The following PDE4D variants were observed in gnomAD, a reference collection of about 807,000 sequenced individuals.
The protein encoded by PDE4D is phosphodiesterase 4D.
PDE4D carries 24 observed loss-of-function variants against 87.4 expected under a neutral mutation model. The observed-to-expected ratio is 0.27, with a 90% confidence interval of 0.20 to 0.39. The LOEUF (loss-of-function observed/expected upper bound fraction) is 0.39. Among genes scored for constraint, PDE4D ranks in the 10% least tolerant of loss-of-function variants. PDE4D has a pLI of 1.00. For synonymous variants in PDE4D, 384 were observed against 383.2 expected (o/e 1.00, Z -0.02); for missense variants, 714 against 1,041.0 (o/e 0.69, Z 4.32).
At chr5:59,921,728 T>A (rs1394617450) in intron 3 of PDE4D, among the ~76,000 whole-genome samples, 2 of 152,210 alleles carry the variant, frequency 1.3e-5, no homozygotes, top group Admixed American at 6.5e-5. Context: ...GTCTGGTTTA[T>A]CAATTTTGTG....
At chr5:59,421,624 TG>T (rs1794492649) in intron 1 of PDE4D, among the ~76,000 whole-genome samples, 1 of 151,988 alleles carries the variant, frequency 6.6e-6, no homozygotes, top group Non-Finnish European at 1.5e-5. Context: ...AAAGACCAGA[TG>T]GTAAGAGTAA....
At position 59,840,359 on chromosome 5, in the gene PDE4D, G is replaced by A. The variant is rs867263558; in HGVS notation, c.455+52809C>T. 4.1e-5 allele frequency among the ~76,000 whole-genome samples: 6 copies of A among 148,036 alleles called. No homozygotes were observed. The Middle Eastern group carries it at 0.01, about 255-fold the overall frequency. On this transcript the variant is annotated intron_variant, in intron 1 of 14. Coordinates refer to ENST00000340635, the MANE Select transcript of PDE4D (RefSeq NM_001104631.2). ...CTCTGTGTGTGTGTGTGTGTGTAAC[G>A]CTTATCTTATCATCTGATTCCTTTG...
intron 1 of PDE4D, among the ~76,000 whole-genome samples, chr5:59,839,252 A>ATTTT (rs1742612372): frequency 1.3e-5 from 2 of 150,868 alleles, no homozygotes; most frequent in South Asian, 4.2e-4. Flanking sequence ...CCTGGGGAAA[A>ATTTT]CCCCAGGCCT....
intron 2 of PDE4D, among the ~76,000 whole-genome samples, chr5:59,204,868 G>T (rs16889366): frequency 0.011 from 1,731 of 152,308 alleles, 29 homozygotes; most frequent in African/African-American, 0.04. Flanking sequence ...AGGTCTGCAT[G>T]TGGTGAAAAG....
At chr5:59,953,659 A>G (rs1440587565) in intron 3 of PDE4D, among the ~76,000 whole-genome samples, 2 of 152,224 alleles carry the variant, frequency 1.3e-5, no homozygotes, top group African/African-American at 4.8e-5. Flanking sequence ...AGCGCTTATC[A>G]AATTATTTAT....
In PDE4D at chr5:59,947,368, C is replaced by T. The variant is rs953417281; in HGVS notation, c.272+41120G>A. ...CCTGATTCACGGAAACAGGAGAATT[C>T]CTGGGTATGCAGCTCAGGACTAAAA... On this transcript the variant is annotated intron_variant, in intron 3 of 16. Transcript: ENST00000502484. 5.1e-4 allele frequency among the ~76,000 whole-genome samples: 77 copies of T among 152,210 alleles called. 1 individual carries two copies. The highest frequency in any genetic ancestry group is 1.8e-3 in the African/African-American group (75 of 41,536).
chr5:59,432,443 A>G (rs1382750406), intron 1 of PDE4D, among the ~76,000 whole-genome samples: 1 of 152,124 alleles, frequency 6.6e-6, no homozygotes, highest in African/African-American at 2.4e-5. Context: ...ATTTGCTAAT[A>G]TATTCTTACT....
intron 2 of PDE4D, chr5:59,193,810 G>C: frequency 2.0e-6 from 2 of 984,968 alleles, no homozygotes; most frequent in Non-Finnish European, 2.4e-6. Flanking sequence ...ATATGCAATA[G>C]TAGAAATGGT....
At chr5:59,819,825 T>G (rs908178237) in intron 1 of PDE4D, among the ~76,000 whole-genome samples, 2 of 152,200 alleles carry the variant, frequency 1.3e-5, no homozygotes, top group African/African-American at 4.8e-5. Flanking sequence ...ATTAGAAAGT[T>G]TTCAGGCAAG....
intron 1 of PDE4D, among the ~76,000 whole-genome samples, chr5:59,718,499 A>T (rs536788957): frequency 6.6e-5 from 10 of 152,194 alleles, no homozygotes; most frequent in Non-Finnish European, 1.0e-4. Flanking sequence ...CATACATGAA[A>T]AATTCAGAAG....
chr5:59,787,704 A>G (rs893136637), intron 1 of PDE4D, among the ~76,000 whole-genome samples: 3 of 152,218 alleles, frequency 2.0e-5, no homozygotes, highest in African/African-American at 7.2e-5. Context: ...ACTAGAAAAT[A>G]TACCAATTAG....
intron 1 of PDE4D, among the ~76,000 whole-genome samples, chr5:59,352,981 C>A (rs1218950651): frequency 2.6e-5 from 4 of 152,058 alleles, no homozygotes; most frequent in African/African-American, 9.7e-5. Flanking sequence ...ATCCCATGAC[C>A]CCTATTACTA....
intron 2 of PDE4D, among the ~76,000 whole-genome samples, chr5:60,174,576 T>C (rs1783754965): frequency 6.6e-6 from 1 of 152,052 alleles, no homozygotes; most frequent in South Asian, 2.1e-4. Context: ...AAAATGAGGA[T>C]ATAGGTGCAT....
chr5:60,118,948 AC>A (rs1778416577), intron 2 of PDE4D, among the ~76,000 whole-genome samples: 1 of 152,022 alleles, frequency 6.6e-6, no homozygotes. Context: ...AGACTGTAAG[AC>A]CCCTAAAGTG....
At chr5:59,574,076 A>T (rs1473029351) in intron 1 of PDE4D, among the ~76,000 whole-genome samples, 2 of 14,818 alleles carry the variant, frequency 1.3e-4, no homozygotes, top group African/African-American at 4.0e-4. Flanking sequence ...ATATATTTAT[A>T]TATATATTTA....
At chr5:60,402,795 C>T (rs1440731971) in intron 1 of PDE4D, among the ~76,000 whole-genome samples, 2 of 152,174 alleles carry the variant, frequency 1.3e-5, no homozygotes, top group African/African-American at 4.8e-5. Flanking sequence ...TGAAACAGTC[C>T]TAAAACTGTC....
intron 1 of PDE4D, among the ~76,000 whole-genome samples, chr5:60,382,061 C>T (rs1761896637): frequency 6.6e-6 from 1 of 152,044 alleles, no homozygotes; most frequent in South Asian, 2.1e-4. Context: ...TTTCTTGATA[C>T]TAAATAACAT....
chr5:59,412,115 G>C (rs13189127), intron 1 of PDE4D, among the ~76,000 whole-genome samples: 13,377 of 152,164 alleles, frequency 0.088, 696 homozygotes, highest in Middle Eastern at 0.16. Context: ...AACTTTTATA[G>C]GATACTTTAA....
Position 60,048,762 on chromosome 5 carries a change from A to T in PDE4D, c.43-60045T>A, listed in dbSNP as rs201054379. On this transcript the variant is annotated intron_variant, in intron 2 of 16. Coordinates refer to the PDE4D transcript ENST00000502484. ...TGTTAGTCTGATGGGCTTCCCTTTG[A>T]GGGTAACCCGACCTTTCTCTCTGGC... Among the ~76,000 whole-genome samples, 582 of 151,916 alleles carry T rather than the reference A, an allele frequency of 3.8e-3. 1 individual carries two copies. The highest frequency in any genetic ancestry group is 0.013 in the African/African-American group (545 of 41,418).
Sources: gnomAD v4.1 joint callset for allele counts (sites outside exome capture counted in the v4.1 genomes callset) on GRCh38, gnomAD v4.1.1 for gene constraint, MANE v1.5 for transcripts, NCBI Gene and HGNC (gene_info 2026-07-23, HGNC 2026-07-21) for gene names.